The following NPAS3 variants were observed in gnomAD, a reference collection of about 807,000 sequenced individuals.
The protein encoded by NPAS3 is neuronal PAS domain protein 3.
A neutral mutation model predicts 73.1 loss-of-function variants in NPAS3; 14 were observed. The ratio of observed to expected loss-of-function variants is 0.19; its 90% CI spans 0.13 to 0.30. The LOEUF is 0.30. Ranked by LOEUF, NPAS3 falls within the 10% of genes least tolerant of loss-of-function variation. The probability of loss-of-function intolerance (pLI) is 1.00; values close to 1 mark genes in which losing one functional copy is unlikely to be tolerated. For synonymous variants in NPAS3, 620 were observed against 541.5 expected, an observed-to-expected ratio of 1.14 and a Z score of -2.01; for missense variants, 1,096 against 1,250.0, an observed-to-expected ratio of 0.88 and a Z score of 1.86.
chr14:33,578,116 C>T, intron 5 of NPAS3: 1 of 455,614 alleles, frequency 2.2e-6, no homozygotes, highest in Non-Finnish European at 4.4e-6. Context: ...GATCCCTTTG[C>T]TGCTTTGAGA....
chr14:33,364,902 G>A (rs2045768590), intron 3 of NPAS3, among the ~76,000 whole-genome samples: 1 of 151,714 alleles, frequency 6.6e-6, no homozygotes, highest in Non-Finnish European at 1.5e-5. Flanking sequence ...GATGTTTTAG[G>A]GTTCCTTATA....
intron 4 of NPAS3, among the ~76,000 whole-genome samples, chr14:33,418,751 G>T (rs531978828): frequency 6.6e-6 from 1 of 151,796 alleles, no homozygotes; most frequent in African/African-American, 2.4e-5. Context: ...GAATATTTCC[G>T]CAATCATTGA....
At chr14:33,609,772 A>G (rs1439068441) in intron 5 of NPAS3, among the ~76,000 whole-genome samples, 1 of 152,002 alleles carries the variant, frequency 6.6e-6, no homozygotes, top group East Asian at 1.9e-4. Flanking sequence ...TTCACTGGGC[A>G]CTGATGCCTC....
chr14:33,783,105 C>T (rs1779900316), intron 9 of NPAS3, among the ~76,000 whole-genome samples: 1 of 152,158 alleles, frequency 6.6e-6, no homozygotes, highest in Admixed American at 6.5e-5. Context: ...AAGTAAGTGC[C>T]CTGCCTGCCT....
At chr14:33,250,106 G>A (rs946182899) in intron 3 of NPAS3, among the ~76,000 whole-genome samples, 4 of 152,050 alleles carry the variant, frequency 2.6e-5, no homozygotes, top group Non-Finnish European at 4.4e-5. Flanking sequence ...AGTTACATCG[G>A]GGTAGGTAGA....
intron 2 of NPAS3, among the ~76,000 whole-genome samples, chr14:33,186,182 G>C (rs1389019103): frequency 6.6e-6 from 1 of 152,114 alleles, no homozygotes; most frequent in Admixed American, 6.5e-5. Flanking sequence ...CCTTGATTGA[G>C]GTGAACCATG....
At chr14:33,308,312 A>T (rs970308195) in intron 3 of NPAS3, among the ~76,000 whole-genome samples, 2 of 151,908 alleles carry the variant, frequency 1.3e-5, no homozygotes, top group Non-Finnish European at 2.9e-5. Flanking sequence ...AACAAAACCA[A>T]ACACTTTTTG....
chr14:33,229,271 C>A (rs1360136870), intron 3 of NPAS3, among the ~76,000 whole-genome samples: 1 of 152,154 alleles, frequency 6.6e-6, no homozygotes, highest in Non-Finnish European at 1.5e-5. Flanking sequence ...TCTCTGATAG[C>A]TTTGCTTTTC....
intron 2 of NPAS3, among the ~76,000 whole-genome samples, chr14:33,170,145 T>G (rs1213347234): frequency 6.6e-6 from 1 of 152,202 alleles, no homozygotes; most frequent in Non-Finnish European, 1.5e-5. Flanking sequence ...ACCTTAGAGA[T>G]AATGCAGGTT....
intron 2 of NPAS3, among the ~76,000 whole-genome samples, chr14:33,112,617 T>G (rs529735830): frequency 1.9e-4 from 29 of 152,220 alleles, no homozygotes; most frequent in Admixed American, 7.9e-4. Context: ...TCTGTAGGTT[T>G]CCTGTTCACT....
At chr14:33,454,536 G>T (rs1000188776) in intron 4 of NPAS3, among the ~76,000 whole-genome samples, 1 of 152,170 alleles carries the variant, frequency 6.6e-6, no homozygotes, top group Non-Finnish European at 1.5e-5. Context: ...ATGAGTGTTG[G>T]TGGTTATTGT....
intron 2 of NPAS3, among the ~76,000 whole-genome samples, chr14:33,197,113 A>C (rs1472804590): frequency 6.6e-6 from 1 of 152,214 alleles, no homozygotes; most frequent in Non-Finnish European, 1.5e-5. Context: ...TTACAATGTC[A>C]TCAGAGTCTA....
chr14:33,062,242 C>T (rs1241150869), intron 2 of NPAS3, among the ~76,000 whole-genome samples: 6 of 150,590 alleles, frequency 4.0e-5, no homozygotes, highest in African/African-American at 1.5e-4. Context: ...ACTCTTGTAA[C>T]TTGCTTTGCA....
intron 2 of NPAS3, among the ~76,000 whole-genome samples, chr14:33,171,960 T>G (rs141041304): frequency 7.9e-4 from 120 of 152,238 alleles, no homozygotes; most frequent in African/African-American, 2.7e-3. Flanking sequence ...TCTCATAGAA[T>G]AGGGAATCCT....
At chr14:33,401,129 C>T (rs1252085301) in intron 4 of NPAS3, among the ~76,000 whole-genome samples, 1 of 151,858 alleles carries the variant, frequency 6.6e-6, no homozygotes, top group Non-Finnish European at 1.5e-5. Flanking sequence ...TCATTTTCCC[C>T]TTCAGAGCCT....
chr14:33,572,588 C>T (rs771064503), intron 5 of NPAS3, among the ~76,000 whole-genome samples: 19 of 152,166 alleles, frequency 1.2e-4, no homozygotes, highest in Admixed American at 6.5e-5. Context: ...ACCCAGCCCA[C>T]TTGACTCCAA....
chr14:33,554,221 A>C (rs1430478462), intron 4 of NPAS3, among the ~76,000 whole-genome samples: 1 of 152,172 alleles, frequency 6.6e-6, no homozygotes, highest in Non-Finnish European at 1.5e-5. Flanking sequence ...CTGTCTTAGC[A>C]GCTATTAAAT....
Position 33,271,795 on chromosome 14 carries a change from G to A in NPAS3, c.385+56369G>A, listed in dbSNP as rs139912540. Among the ~76,000 whole-genome samples the A allele has an allele frequency of 3.6e-4, 54 of 151,976 alleles. 1 individual carries two copies. The East Asian group carries it at 9.9e-3, about 28-fold the overall frequency. On this transcript the variant is annotated intron_variant, in intron 3 of 11. Transcript: ENST00000356141. ...ATGTACTGTAATATATCCATTTGGG[G>A]GGACAATATTGTTTGACAAGCTATT...
intron 4 of NPAS3, among the ~76,000 whole-genome samples, chr14:33,472,329 G>A (rs902061008): frequency 3.3e-5 from 5 of 152,118 alleles, no homozygotes; most frequent in Admixed American, 6.5e-5. Flanking sequence ...CAGGATGTAG[G>A]GGGCCTTGAA....
Sources: gnomAD v4.1 joint callset for allele counts (sites outside exome capture counted in the v4.1 genomes callset) on GRCh38, gnomAD v4.1.1 for gene constraint, MANE v1.5 for transcripts, NCBI Gene and HGNC (gene_info 2026-07-23, HGNC 2026-07-21) for gene names.